The following APPL2 variants were observed in gnomAD, a reference collection of about 807,000 sequenced individuals.
The protein encoded by APPL2 is DCC-interacting protein 13-beta.
In APPL2, 84 loss-of-function variants were observed where a neutral mutation model predicts 92.7. The ratio of observed to expected loss-of-function variants is 0.91; its 90% CI spans 0.76 to 1.09. The LOEUF is 1.09. APPL2 is among the 50% of genes least tolerant of loss of function. The pLI is 0.00. For synonymous variants in APPL2, 291 were observed against 291.0 expected (o/e 1.00, Z 0.00); for missense variants, 736 against 824.5 (o/e 0.89, Z 1.31).
intron 17 of APPL2, among the ~76,000 whole-genome samples, chr12:105,181,862 T>G (rs1312606515): frequency 6.6e-6 from 1 of 152,212 alleles, no homozygotes; most frequent in African/African-American, 2.4e-5. Context: ...TTTTCTTCTT[T>G]ATTAGTCTGG....
chr12:105,204,322 G>C (rs191499950), intron 8 of APPL2, among the ~76,000 whole-genome samples: 1 of 152,238 alleles, frequency 6.6e-6, no homozygotes, highest in East Asian at 1.9e-4. Context: ...ACATTAACCC[G>C]GCTCGTCTGT....
chr12:105,185,069 A>G (rs888204728), intron 17 of APPL2, among the ~76,000 whole-genome samples: 2 of 152,030 alleles, frequency 1.3e-5, no homozygotes, highest in Non-Finnish European at 2.9e-5. Context: ...GGGGAAAACC[A>G]CCTACTCAAG....
intron 9 of APPL2, among the ~76,000 whole-genome samples, chr12:105,203,066 G>GACACACACACTC: frequency 7.7e-6 from 1 of 129,814 alleles, no homozygotes; most frequent in East Asian, 2.6e-4. Context: ...CACACACACG[G>GACACACACACTC]ACCTATTTCT....
chr12:105,203,656 C>T (rs1888423829), intron 9 of APPL2, 47 bp downstream of exon 9: 1 of 1,564,722 alleles, frequency 6.4e-7, no homozygotes, highest in Non-Finnish European at 8.8e-7. Context: ...GTCAGATCAG[C>T]ATGAAAGGCA....
At position 105,203,596 on chromosome 12, in the gene APPL2, C is replaced by G. The variant is rs1888416509; in HGVS notation, c.704+107G>C. On this transcript the variant is annotated intron_variant, in intron 9 of 20. Transcript: ENST00000258530. ...CGAGCATTTCTGGGGTGGACAGAGG[C>G]TCTGTGCGACCCTCCACAGTTAGAA... 3.1e-6 allele frequency: 3 copies of G among 974,440 alleles called. No individual in the cohort carries two copies. The South Asian group carries it at 4.3e-5, about 14-fold the overall frequency. 60.4% of individuals were successfully genotyped at this position (974,440 alleles called of 1,614,324 possible). A position where few individuals can be genotyped will look rare whatever the true frequency, so the allele number is the denominator to read the frequency against.
Position 105,174,051 on chromosome 12 carries a change from G to A in APPL2, c.*263C>T. The stretch of plus-strand genomic sequence containing the variant: ...TTTTCAAACTTTTGTTCTGAGCGCT[G>A]AACAATCTAAGAAATTTTAGCGCAA... On this transcript the variant is annotated 3_prime_UTR_variant, in exon 21 of 21. Coordinates refer to ENST00000258530, the MANE Select transcript of APPL2 (RefSeq NM_018171.5). 2.9e-6 allele frequency: 1 copy of A among 344,526 alleles called. No homozygotes were observed. Among genetic ancestry groups the A allele is most frequent in the Non-Finnish European group, 5.2e-6 (1 of 193,812 alleles). 21.3% of individuals were successfully genotyped at this position (344,526 alleles called of 1,614,324 possible). A position where few individuals can be genotyped will look rare whatever the true frequency, so the allele number is the denominator to read the frequency against.
chr12:105,195,545 C>T, intron 12 of APPL2, 40 bp downstream of exon 12: 1 of 1,614,188 alleles, frequency 6.2e-7, no homozygotes, highest in Non-Finnish European at 8.5e-7. Context: ...CAAAGTCACC[C>T]ACCACGTTAG....
rs1886913527 is a variant in APPL2 at position 105,188,383 on chromosome 12, G to A, written c.1524C>T (p.Ser508=). ...TCGCTTCATAAATCACTTCAGTAGT[G>A]CTGTCTGTTTTAACTGCCATTGATC... is the stretch of plus-strand genomic sequence containing the variant. ...FLGSMAVKTD[S]TTEVIYEAMR... The change falls in exon 17 of 21, where the codon AGC becomes AGT. Residue 508 remains serine, a synonymous_variant. Coordinates refer to ENST00000258530, the MANE Select transcript of APPL2 (RefSeq NM_018171.5). 1 of 1,614,058 alleles carries A rather than the reference G, an allele frequency of 6.2e-7. No homozygotes were observed. The highest frequency in any genetic ancestry group is 1.1e-5 in the South Asian group (1 of 91,084).
At position 105,207,097 on chromosome 12, in the gene APPL2, G is replaced by A. The variant is rs961754356; in HGVS notation, c.585C>T (p.Ala195=). 8.1e-6 allele frequency: 13 copies of A among 1,614,058 alleles called. No homozygotes were observed. The highest frequency in any genetic ancestry group is 1.3e-5 in the African/African-American group (1 of 74,930). The part of the protein sequence containing the change: ...LNALQYRKQM[A]MMEPMIGFAH... ...CAAAGCCTATCATGGGCTCCATCAT[G>A]GCCATTTGCTTTCTGTACTGCAGCG... Residue 195 remains alanine (A), a synonymous_variant, in exon 8 of 21, where the codon GCC becomes GCT. Coordinates refer to ENST00000258530, the MANE Select transcript of APPL2 (RefSeq NM_018171.5).
intron 17 of APPL2, among the ~76,000 whole-genome samples, chr12:105,187,447 G>A (rs1420596657): frequency 6.6e-6 from 1 of 152,160 alleles, no homozygotes; most frequent in African/African-American, 2.4e-5. Flanking sequence ...TGAAAAAACT[G>A]AGGTACAGAG....
chr12:105,185,776 C>T lies in APPL2; in HGVS notation c.1634+2497G>A, dbSNP rs146020550. Among the ~76,000 whole-genome samples, 977 of 152,234 alleles carry T rather than the reference C, an allele frequency of 6.4e-3. 17 individuals carry two copies. The highest frequency in any genetic ancestry group is 0.022 in the African/African-American group (916 of 41,516). On this transcript the variant is annotated intron_variant, in intron 17 of 20. Coordinates refer to ENST00000258530, the MANE Select transcript of APPL2 (RefSeq NM_018171.5). ...CTAAATGGTCTCAGAACCTATTCCA[C>T]TGCAGGGGTATGTTTACTGTGGTGA... is the stretch of plus-strand genomic sequence containing the variant.
At chr12:105,223,854 T>C (rs1890302816) in intron 2 of APPL2, among the ~76,000 whole-genome samples, 1 of 152,216 alleles carries the variant, frequency 6.6e-6, no homozygotes. Context: ...GGTATTAACA[T>C]GATTAACTCA....
rs536479200 is a variant in APPL2 at position 105,199,584 on chromosome 12, A to G, written c.705-53T>C. On this transcript the variant is annotated intron_variant, in intron 9 of 20. Transcript: ENST00000258530. ...ACTCACTGCTGGCCAACCCAGCACT[A>G]CTAAGAAGCCACTGGCAGCCATCAC... The G allele has an allele frequency of 2.9e-5, 45 of 1,556,460 alleles. No homozygotes were observed. The African/African-American group carries it at 5.3e-4, about 18-fold the overall frequency.
intron 14 of APPL2, among the ~76,000 whole-genome samples, chr12:105,194,370 G>A (rs1887462021): frequency 6.6e-6 from 1 of 152,200 alleles, no homozygotes; most frequent in Non-Finnish European, 1.5e-5. Flanking sequence ...ACGCCAGGGA[G>A]ATAACCTAAA....
chr12:105,195,191 C>G, intron 14 of APPL2, 70 bp downstream of exon 14: 1 of 1,465,152 alleles, frequency 6.8e-7, no homozygotes, highest in Non-Finnish European at 9.5e-7. Flanking sequence ...GATTAAGCAA[C>G]AACTCATTTC....
At chr12:105,225,446 G>C (rs1890422514) in intron 2 of APPL2, among the ~76,000 whole-genome samples, 1 of 152,144 alleles carries the variant, frequency 6.6e-6, no homozygotes, top group African/African-American at 2.4e-5. Flanking sequence ...CTTTAGGAAA[G>C]AAGAATATTA....
rs372171341 is a variant in APPL2, at chr12:105,176,102, T to C, written c.1813-20A>G. ...ACATATCTGCAAAAGACAAGAAAAG[T>C]AGTGATTGGCAAAAGTAGAGAAGGA... On this transcript the variant is annotated intron_variant, in intron 19 of 20. Coordinates refer to ENST00000258530, the MANE Select transcript of APPL2 (RefSeq NM_018171.5). The C allele has an allele frequency of 2.8e-5, 45 of 1,586,410 alleles. No homozygotes were observed. The highest frequency in any genetic ancestry group is 3.7e-5 in the Non-Finnish European group (43 of 1,166,804).
intron 17 of APPL2, among the ~76,000 whole-genome samples, chr12:105,183,678 C>T (rs1452889627): frequency 6.6e-6 from 1 of 152,154 alleles, no homozygotes; most frequent in Non-Finnish European, 1.5e-5. Flanking sequence ...TTCTCTCTGG[C>T]TGCCCTTAAC....
intron 1 of APPL2, among the ~76,000 whole-genome samples, chr12:105,232,261 T>G (rs1416353017): frequency 1.3e-5 from 2 of 152,176 alleles, no homozygotes; most frequent in East Asian, 3.8e-4. Context: ...CCGACACTTT[T>G]AAGGGTATGC....
Sources: gnomAD v4.1 joint callset for allele counts (sites outside exome capture counted in the v4.1 genomes callset) on GRCh38, gnomAD v4.1.1 for gene constraint, MANE v1.5 for transcripts, NCBI Gene and HGNC (gene_info 2026-07-23, HGNC 2026-07-21) for gene names.